Variants in PCDH15 observed in about 807,000 individuals in gnomAD.
The protein encoded by PCDH15 is protocadherin related 15, also known as protocadherin-15.
In PCDH15, 129 loss-of-function variants were observed where a neutral mutation model predicts 178.5. The observed-to-expected ratio is 0.72, with a 90% confidence interval of 0.63 to 0.84. The LOEUF is 0.84. Among genes scored for constraint, PCDH15 ranks in the 40% least tolerant of loss-of-function variants. The pLI is 0.00. For synonymous variants in PCDH15, 800 were observed against 732.0 expected (o/e 1.09, Z -1.50); for missense variants, 2,230 against 2,099.9 (o/e 1.06, Z -1.21).
At chr10:53,886,972 G>A (rs1462045477) in intron 26 of PCDH15, among the ~76,000 whole-genome samples, 1 of 152,064 alleles carries the variant, frequency 6.6e-6, no homozygotes, top group African/African-American at 2.4e-5. Context: ...CTGTGTCTGT[G>A]CTTACGTTTT....
intron 3 of PCDH15, among the ~76,000 whole-genome samples, chr10:54,848,496 C>T (rs143629596): frequency 3.9e-4 from 59 of 152,028 alleles, no homozygotes; most frequent in African/African-American, 1.4e-3. Flanking sequence ...ACACTCAGCC[C>T]GCTTACCAAG....
chr10:55,624,376 C>A (rs1284626367), intron 2 of PCDH15, among the ~76,000 whole-genome samples: 1 of 151,516 alleles, frequency 6.6e-6, no homozygotes, highest in Non-Finnish European at 1.5e-5. Flanking sequence ...GAGGACGTTT[C>A]ATTAAAGCAT....
chr10:53,870,777 A>G (rs1233353429), intron 26 of PCDH15, among the ~76,000 whole-genome samples: 3 of 152,218 alleles, frequency 2.0e-5, no homozygotes, highest in Admixed American at 2.0e-4. Context: ...ATACATAGAT[A>G]ACAACCAAAT....
chr10:54,935,407 A>T (rs1837879263), intron 2 of PCDH15, among the ~76,000 whole-genome samples: 1 of 152,034 alleles, frequency 6.6e-6, no homozygotes, highest in African/African-American at 2.4e-5. Flanking sequence ...TATCATATAT[A>T]TTTTCCTATG....
In PCDH15 at chr10:53,853,086, G is replaced by C. The variant is rs186815386; in HGVS notation, c.3806+4089C>G. Among the ~76,000 whole-genome samples, 5 of 151,914 alleles carry C rather than the reference G, an allele frequency of 3.3e-5. No individual in the cohort carries two copies. In the East Asian group the frequency reaches 9.7e-4, roughly 29 times the overall value. ...TCTACTAATGTAGGTTTCAAAAAGAGATCAGAAATATTTCTGCTTAAGAAA... is the reference window on the plus strand; with the variant it reads ...TCTACTAATGTAGGTTTCAAAAAGACATCAGAAATATTTCTGCTTAAGAAA... On this transcript the variant is annotated intron_variant, in intron 28 of 37. Coordinates refer to ENST00000644397, the MANE Select transcript of PCDH15 (RefSeq NM_001384140.1).
chr10:54,600,366 G>A, intron 2 of PCDH15: 1 of 541,762 alleles, frequency 1.8e-6, no homozygotes, highest in Non-Finnish European at 3.6e-6. Flanking sequence ...GAAAAGAGAA[G>A]GGAGAGCAGG....
intron 2 of PCDH15, among the ~76,000 whole-genome samples, chr10:54,640,878 T>A (rs1047867773): frequency 6.6e-6 from 1 of 151,992 alleles, no homozygotes; most frequent in African/African-American, 2.4e-5. Flanking sequence ...CTGAGGTAGG[T>A]GGATCACTTG....
At chr10:54,082,425 C>T (rs922404695) in intron 16 of PCDH15, among the ~76,000 whole-genome samples, 1 of 152,098 alleles carries the variant, frequency 6.6e-6, no homozygotes, top group Non-Finnish European at 1.5e-5. Flanking sequence ...ATTGAGAATT[C>T]ATAAATATAC....
chr10:54,386,419 T>C (rs997468910), intron 3 of PCDH15, among the ~76,000 whole-genome samples: 6 of 152,064 alleles, frequency 3.9e-5, no homozygotes, highest in African/African-American at 7.2e-5. Flanking sequence ...TGCAGTGTAT[T>C]TAAGAAAGAG....
intron 16 of PCDH15, among the ~76,000 whole-genome samples, chr10:54,088,836 G>A (rs1002151072): frequency 2.0e-5 from 3 of 152,086 alleles, no homozygotes; most frequent in African/African-American, 7.2e-5. Flanking sequence ...AAAATCAATT[G>A]ACCATAAATA....
At chr10:55,303,083 TGA>T (rs779332830) in intron 1 of PCDH15, among the ~76,000 whole-genome samples, 9 of 103,622 alleles carry the variant, frequency 8.7e-5, no homozygotes, top group Non-Finnish European at 1.7e-4. Flanking sequence ...CAAAGATATT[TGA>T]GATATATATA....
At chr10:54,263,296 T>A (rs940746518) in intron 8 of PCDH15, among the ~76,000 whole-genome samples, 9 of 151,920 alleles carry the variant, frequency 5.9e-5, no homozygotes, top group Admixed American at 3.3e-4. Flanking sequence ...CACCATGAGA[T>A]AAAGAAAATG....
intron 1 of PCDH15, among the ~76,000 whole-genome samples, chr10:54,683,521 T>C (rs1236751250): frequency 1.3e-5 from 2 of 152,160 alleles, no homozygotes; most frequent in East Asian, 3.9e-4. Context: ...ACTACAATTA[T>C]TGAGCATCAC....
At chr10:55,395,863 A>C (rs532115077) in intron 2 of PCDH15, among the ~76,000 whole-genome samples, 7 of 152,218 alleles carry the variant, frequency 4.6e-5, no homozygotes, top group Admixed American at 6.5e-5. Context: ...ACCAAACATA[A>C]AATATAAAAC....
chr10:54,293,363 C>G (rs2059546831), intron 8 of PCDH15, among the ~76,000 whole-genome samples: 1 of 152,016 alleles, frequency 6.6e-6, no homozygotes, highest in African/African-American at 2.4e-5. Flanking sequence ...TCATAAAAAC[C>G]TGAGAGGAAA....
At chr10:54,154,283 A>AGAAT (rs1174385082) in intron 13 of PCDH15, among the ~76,000 whole-genome samples, 1 of 152,120 alleles carries the variant, frequency 6.6e-6, no homozygotes, top group Non-Finnish European at 1.5e-5. Context: ...CAAAAAGTGA[A>AGAAT]GAATGAAAGA....
intron 2 of PCDH15, among the ~76,000 whole-genome samples, chr10:55,524,878 C>A (rs1266826160): frequency 6.6e-6 from 1 of 151,690 alleles, no homozygotes; most frequent in Non-Finnish European, 1.5e-5. Flanking sequence ...AGTTAACTTG[C>A]ATGAAAACAT....
intron 3 of PCDH15, among the ~76,000 whole-genome samples, chr10:54,440,524 T>C (rs1772834767): frequency 6.6e-6 from 1 of 152,008 alleles, no homozygotes. Flanking sequence ...TATTTTTTAA[T>C]GCGGTATCAA....
intron 2 of PCDH15, among the ~76,000 whole-genome samples, chr10:54,529,130 G>A (rs1235369419): frequency 6.6e-6 from 1 of 151,214 alleles, no homozygotes; most frequent in Non-Finnish European, 1.5e-5. Flanking sequence ...TGAATAATTA[G>A]GCCTTCAGGA....
Sources: allele counts gnomAD v4.1 joint callset (sites outside exome capture counted in the v4.1 genomes callset), GRCh38; gene constraint gnomAD v4.1.1; transcripts MANE v1.5; gene names NCBI Gene and HGNC (gene_info 2026-07-23, HGNC 2026-07-21).